JMJD1C: variants seen among roughly 807,000 people sequenced by gnomAD.
JMJD1C encodes the protein jumonji domain-containing protein 1C.
Under a neutral mutation model 245.3 loss-of-function variants are expected in JMJD1C, and 31 were observed. The ratio of observed to expected loss-of-function variants is 0.13; its 90% CI spans 0.09 to 0.17. The LOEUF is 0.17. Among genes scored for constraint, JMJD1C ranks in the 10% least tolerant of loss-of-function variants. The probability of loss-of-function intolerance (pLI) is 1.00; values close to 1 mark genes in which losing one functional copy is unlikely to be tolerated. For synonymous variants in JMJD1C, 1,057 were observed against 1,017.4 expected (o/e 1.04, Z -0.74); for missense variants, 2,691 against 3,000.2 (o/e 0.90, Z 2.41).
intron 2 of JMJD1C, among the ~76,000 whole-genome samples, chr10:63,349,698 G>C (rs2134279207): frequency 6.6e-6 from 1 of 152,218 alleles, no homozygotes; most frequent in East Asian, 1.9e-4. Flanking sequence ...AGCAGAAATA[G>C]GTGAAAAGGC....
At chr10:63,176,534 G>T in intron 23 of JMJD1C, 61 bp from the exon 24 acceptor site, 1 of 1,233,832 alleles carries the variant, frequency 8.1e-7, no homozygotes, top group Non-Finnish European at 1.1e-6. Flanking sequence ...ATCCTGTTCA[G>T]TTAAATTTCA....
At chr10:63,223,295 T>C (rs1848845682) in intron 3 of JMJD1C, among the ~76,000 whole-genome samples, 2 of 151,406 alleles carry the variant, frequency 1.3e-5, no homozygotes, top group African/African-American at 2.4e-5. Context: ...GGGCACGATC[T>C]TGACTCACTG....
intron 2 of JMJD1C, among the ~76,000 whole-genome samples, chr10:63,284,857 TCACA>T (rs57860875): frequency 0.098 from 13,239 of 135,102 alleles, 614 homozygotes; most frequent in African/African-American, 0.14. Flanking sequence ...CAGGGAAGAT[TCACA>T]CACACACACA....
In JMJD1C at chr10:63,214,322, C is replaced by T. The variant is rs2133220433; in HGVS notation, c.1845G>A (p.Lys615=). Residue 615 remains lysine (K), a synonymous_variant, in exon 8 of 26, where the codon AAG becomes AAA. Transcript: ENST00000399262. ...TTATAGTCTCTGGAGGTGGACTTCG[C>T]TTATGCAGCTTATCTTCCATGACAG... is the stretch of plus-strand genomic sequence containing the variant. ...AVSVMEDKLH[K]RSPPPETIKS... 3 of 1,613,982 alleles carry T rather than the reference C, an allele frequency of 1.9e-6. No homozygotes were observed. The highest frequency in any genetic ancestry group is 2.5e-6 in the Non-Finnish European group (3 of 1,179,908).
chr10:63,382,402 A>G (rs1947286857), intron 1 of JMJD1C, among the ~76,000 whole-genome samples: 1 of 152,174 alleles, frequency 6.6e-6, no homozygotes, highest in African/African-American at 2.4e-5. Context: ...ATGGCTCAAC[A>G]TATGACGTTC....
At chr10:63,220,067 G>C in intron 3 of JMJD1C, 84 bp from the exon 4 acceptor site, 1 of 944,252 alleles carries the variant, frequency 1.1e-6, no homozygotes, top group Non-Finnish European at 1.6e-6. Context: ...ACGTTCTAAG[G>C]ACTGAATAAA....
Position 63,465,677 on chromosome 10 carries a change from A to G in JMJD1C, c.-15T>C. 1 of 1,606,806 alleles carries G rather than the reference A, an allele frequency of 6.2e-7. No individual in the cohort carries two copies. The highest frequency in any genetic ancestry group is 8.5e-7 in the Non-Finnish European group (1 of 1,179,800). On this transcript the variant is annotated 5_prime_UTR_variant, in exon 1 of 26. Coordinates refer to ENST00000399262, the MANE Select transcript of JMJD1C (RefSeq NM_032776.3). ...TCTACCGCCATAGCTGTCGCTGCCG[A>G]AGCGGCCGCTGCCTCCTCCAGTGCG... is the stretch of plus-strand genomic sequence containing the variant.
chr10:63,466,236 ATTCGTT>A (rs1953273664), upstream of JMJD1C: 1 of 163,690 alleles, frequency 6.1e-6, no homozygotes, highest in African/African-American at 2.4e-5. Flanking sequence ...CTACCTTTGT[ATTCGTT>A]GCTCCCTCAG....
intron 2 of JMJD1C, among the ~76,000 whole-genome samples, chr10:63,374,547 T>A (rs1946567931): frequency 6.6e-6 from 1 of 152,178 alleles, no homozygotes. Flanking sequence ...GGAGATAGAT[T>A]TTTGTGGCTT....
intron 18 of JMJD1C, among the ~76,000 whole-genome samples, chr10:63,188,182 A>G (rs1004265499): frequency 6.6e-6 from 1 of 152,206 alleles, no homozygotes; most frequent in African/African-American, 2.4e-5. Flanking sequence ...AACACTTCAC[A>G]TAATTATGAA....
chr10:63,496,282 A>G (rs1270948871), intron 1 of JMJD1C, among the ~76,000 whole-genome samples: 1 of 152,144 alleles, frequency 6.6e-6, no homozygotes, highest in East Asian at 1.9e-4. Context: ...AGACAGAAGA[A>G]ACTTTAGAAA....
chr10:63,291,693 T>A (rs1364067956), intron 2 of JMJD1C, among the ~76,000 whole-genome samples: 1 of 151,590 alleles, frequency 6.6e-6, no homozygotes, highest in Non-Finnish European at 1.5e-5. Context: ...ACAGGCATGA[T>A]CACAGTGCAC....
intron 3 of JMJD1C, among the ~76,000 whole-genome samples, chr10:63,226,756 G>T (rs1026336498): frequency 2.8e-5 from 4 of 145,106 alleles, no homozygotes; most frequent in Non-Finnish European, 4.5e-5. Flanking sequence ...AGGACATGAT[G>T]GAGTAAAAGG....
chr10:63,244,575 T>C (rs943360195), intron 3 of JMJD1C, among the ~76,000 whole-genome samples: 2 of 152,052 alleles, frequency 1.3e-5, no homozygotes, highest in Non-Finnish European at 2.9e-5. Flanking sequence ...AAACAGTGAT[T>C]GACCCTAACA....
At chr10:63,183,218 G>T (rs1282214459) in intron 22 of JMJD1C, among the ~76,000 whole-genome samples, 3 of 152,110 alleles carry the variant, frequency 2.0e-5, no homozygotes, top group Non-Finnish European at 2.9e-5. Flanking sequence ...AATACTTAAT[G>T]ATAGAAAAGA....
intron 1 of JMJD1C, among the ~76,000 whole-genome samples, chr10:63,433,860 T>A (rs1950917001): frequency 6.7e-6 from 1 of 149,742 alleles, no homozygotes; most frequent in Admixed American, 6.7e-5. Flanking sequence ...GGATTACGGG[T>A]CTGAGTCACT....
chr10:63,424,479 C>T (rs1334641787), intron 1 of JMJD1C, among the ~76,000 whole-genome samples: 1 of 144,478 alleles, frequency 6.9e-6, no homozygotes, highest in African/African-American at 2.5e-5. Flanking sequence ...TTAACTTACA[C>T]AAAAACCATT....
chr10:63,212,507 C>T (rs951695447), intron 8 of JMJD1C, among the ~76,000 whole-genome samples: 1 of 152,066 alleles, frequency 6.6e-6, no homozygotes, highest in Non-Finnish European at 1.5e-5. Context: ...AATGAATTTG[C>T]TATAGAAACT....
intron 4 of JMJD1C, among the ~76,000 whole-genome samples, chr10:63,219,328 T>C (rs908034801): frequency 6.6e-6 from 1 of 152,192 alleles, no homozygotes; most frequent in Non-Finnish European, 1.5e-5. Context: ...ATTGTCTCAC[T>C]TTCCATTCAA....
Sources: allele counts gnomAD v4.1 joint callset (sites outside exome capture counted in the v4.1 genomes callset), GRCh38; gene constraint gnomAD v4.1.1; transcripts MANE v1.5; gene names NCBI Gene and HGNC (gene_info 2026-07-23, HGNC 2026-07-21).